The following FTO variants were observed in gnomAD, a reference collection of about 807,000 sequenced individuals.
The protein encoded by FTO is FTO alpha-ketoglutarate dependent dioxygenase, also known as alpha-ketoglutarate-dependent dioxygenase FTO.
FTO carries 47 observed loss-of-function variants against 63.9 expected under a neutral mutation model. That is an observed-to-expected ratio of 0.74 (90% CI 0.58 to 0.94). The LOEUF (loss-of-function observed/expected upper bound fraction) is 0.94, where lower values mean the gene tolerates loss of function less well. Ranked by LOEUF, FTO falls within the 40% of genes least tolerant of loss-of-function variation. The pLI, the probability that FTO is intolerant of heterozygous loss-of-function variation, is 0.00. For missense variants in FTO, 562 were observed against 618.1 expected, an observed-to-expected ratio of 0.91 and a Z score of 0.96; for synonymous variants, 207 against 224.4, an observed-to-expected ratio of 0.92 and a Z score of 0.69.
chr16:53,935,099 T>C (rs1027253551), intron 8 of FTO, among the ~76,000 whole-genome samples: 2 of 152,210 alleles, frequency 1.3e-5, no homozygotes, highest in African/African-American at 4.8e-5. Flanking sequence ...ATGTTAGGAT[T>C]ATCTTTTAGA....
intron 8 of FTO, among the ~76,000 whole-genome samples, chr16:54,073,151 T>C (rs931371027): frequency 6.6e-6 from 1 of 152,130 alleles, no homozygotes. Flanking sequence ...ACGTGTCCTG[T>C]TGCGTCCCTA....
At chr16:54,029,843 G>A (rs1431095745) in intron 8 of FTO, among the ~76,000 whole-genome samples, 4 of 152,188 alleles carry the variant, frequency 2.6e-5, no homozygotes, top group African/African-American at 9.7e-5. Context: ...GGTAGCAACA[G>A]TGAGAAAAGC....
chr16:53,787,790 A>G (rs972420991), intron 1 of FTO, among the ~76,000 whole-genome samples: 1 of 152,208 alleles, frequency 6.6e-6, no homozygotes. Context: ...TAAATATATG[A>G]GAAAGAAGGC....
At chr16:53,945,734 AG>A (rs780174510) in intron 8 of FTO, among the ~76,000 whole-genome samples, 1 of 152,212 alleles carries the variant, frequency 6.6e-6, no homozygotes, top group Non-Finnish European at 1.5e-5. Context: ...GTCTTTTAGA[AG>A]GTGGGAGAGT....
chr16:53,744,866 G>A lies in FTO; in HGVS notation c.45+40637G>A, dbSNP rs985774446. On this transcript the variant is annotated intron_variant, in intron 1 of 8. Coordinates refer to ENST00000471389, the MANE Select transcript of FTO (RefSeq NM_001080432.3). ...TGAATCTCATTGTAGAGCTCCTACC[G>A]TCTTTGACCATACAACATCTAAAAA... Among the ~76,000 whole-genome samples, 5 of 149,710 alleles carry A rather than the reference G, an allele frequency of 3.3e-5. No homozygotes were observed. The South Asian group carries it at 6.4e-4, about 19-fold the overall frequency.
At chr16:53,959,602 G>C (rs564992553) in intron 8 of FTO, among the ~76,000 whole-genome samples, 2 of 152,108 alleles carry the variant, frequency 1.3e-5, no homozygotes, top group Non-Finnish European at 2.9e-5. Context: ...CATTATAACT[G>C]TTACTGTGGG....
chr16:53,882,945 G>A (rs530538376), intron 6 of FTO, among the ~76,000 whole-genome samples: 1 of 152,234 alleles, frequency 6.6e-6, no homozygotes, highest in South Asian at 2.1e-4. Flanking sequence ...AGTCTGACTT[G>A]CTGCCCTTCA....
chr16:53,876,369 G>A (rs535246678), intron 5 of FTO, among the ~76,000 whole-genome samples: 1 of 152,138 alleles, frequency 6.6e-6, no homozygotes, highest in Non-Finnish European at 1.5e-5. Context: ...ACTTAGCGAG[G>A]AGTAGGTAAT....
intron 1 of FTO, chr16:53,711,543 A>G: frequency 2.5e-6 from 1 of 398,120 alleles, no homozygotes; most frequent in Non-Finnish European, 4.4e-6. Flanking sequence ...TAGTCATGGA[A>G]TTCCTTCCTT....
intron 1 of FTO, among the ~76,000 whole-genome samples, chr16:53,757,564 C>T (rs1455223029): frequency 3.3e-5 from 5 of 150,628 alleles, no homozygotes; most frequent in African/African-American, 1.2e-4. Flanking sequence ...TACATAATAC[C>T]TATATTTATA....
At chr16:53,906,024 G>A (rs996007141) in intron 7 of FTO, among the ~76,000 whole-genome samples, 1 of 152,146 alleles carries the variant, frequency 6.6e-6, no homozygotes, top group Non-Finnish European at 1.5e-5. Context: ...TCTCTGGAAT[G>A]TAATTTCTCT....
chr16:53,734,473 C>T (rs965331831), intron 1 of FTO, among the ~76,000 whole-genome samples: 3 of 152,196 alleles, frequency 2.0e-5, no homozygotes, highest in Non-Finnish European at 4.4e-5. Context: ...GATTGCAGAT[C>T]CCAAATGTCT....
chr16:54,085,288 C>A (rs1036592841), intron 8 of FTO, among the ~76,000 whole-genome samples: 54 of 152,174 alleles, frequency 3.5e-4, no homozygotes, highest in Admixed American at 3.1e-3. Flanking sequence ...GACATTTAAC[C>A]CTTCCCAAGA....
At chr16:53,789,476 A>G (rs886976038) in intron 1 of FTO, among the ~76,000 whole-genome samples, 2 of 152,162 alleles carry the variant, frequency 1.3e-5, no homozygotes, top group Admixed American at 1.3e-4. Context: ...GAATACTCTC[A>G]TTTCAGATTA....
At chr16:54,063,230 A>G (rs1463474483) in intron 8 of FTO, among the ~76,000 whole-genome samples, 12 of 152,230 alleles carry the variant, frequency 7.9e-5, no homozygotes, top group African/African-American at 2.7e-4. Flanking sequence ...AATCCAAGTT[A>G]TGAGAGCAAA....
chr16:53,989,377 A>AAGGT (rs2083749051), intron 8 of FTO, among the ~76,000 whole-genome samples: 1 of 152,220 alleles, frequency 6.6e-6, no homozygotes, highest in Non-Finnish European at 1.5e-5. Flanking sequence ...TTGCAAAGGC[A>AAGGT]AGGTGATGGG....
intron 1 of FTO, among the ~76,000 whole-genome samples, chr16:53,747,064 C>T (rs1015047844): frequency 6.6e-5 from 10 of 152,102 alleles, no homozygotes; most frequent in Admixed American, 2.6e-4. Context: ...GTGGTATTTA[C>T]GGGCTGTGTA....
intron 8 of FTO, among the ~76,000 whole-genome samples, chr16:54,016,063 C>G (rs1229181810): frequency 6.6e-6 from 1 of 152,124 alleles, no homozygotes; most frequent in Non-Finnish European, 1.5e-5. Flanking sequence ...ATTTAATCTT[C>G]AAAGCAACTC....
At chr16:54,036,594 T>C (rs2084945173) in intron 8 of FTO, among the ~76,000 whole-genome samples, 1 of 152,210 alleles carries the variant, frequency 6.6e-6, no homozygotes, top group African/African-American at 2.4e-5. Flanking sequence ...AAAACAGAAG[T>C]TAAACTCTAG....
Sources: gnomAD v4.1 joint callset for allele counts (sites outside exome capture counted in the v4.1 genomes callset) on GRCh38, gnomAD v4.1.1 for gene constraint, MANE v1.5 for transcripts, NCBI Gene and HGNC (gene_info 2026-07-23, HGNC 2026-07-21) for gene names.